The following LRRIQ1 variants were observed in gnomAD, a reference collection of about 807,000 sequenced individuals.
The protein encoded by LRRIQ1 is leucine-rich repeat- and IQ domain-containing protein 1.
LRRIQ1 carries 210 observed loss-of-function variants against 211.9 expected under a neutral mutation model. The observed-to-expected ratio is 0.99, with a 90% CI of 0.89 to 1.11. The LOEUF (loss-of-function observed/expected upper bound fraction) is 1.11. LRRIQ1 is among the 50% of genes most tolerant of loss of function. LRRIQ1 has a pLI of 0.00. For missense variants in LRRIQ1, 2,136 were observed against 1,939.5 expected (o/e 1.10, Z -1.90); for synonymous variants, 699 against 650.1 (o/e 1.08, Z -1.14).
intron 5 of LRRIQ1, among the ~76,000 whole-genome samples, chr12:85,046,589 C>T (rs1879614268): frequency 1.3e-5 from 2 of 152,020 alleles, no homozygotes; most frequent in Admixed American, 1.3e-4. Context: ...TATTTTTTTA[C>T]TTTAAGATTC....
intron 7 of LRRIQ1, 146 bp from the exon 8 acceptor site, chr12:85,055,401 G>A (rs774714623): frequency 2.2e-4 from 125 of 577,932 alleles, no homozygotes; most frequent in Admixed American, 6.8e-4. Context: ...TAAGATAAAT[G>A]ACTTTAGTTT....
chr12:85,253,172 C>T (rs190470487), intron 1 of LRRIQ1, among the ~76,000 whole-genome samples: 1 of 152,050 alleles, frequency 6.6e-6, no homozygotes, highest in Admixed American at 6.6e-5. Flanking sequence ...GGAGAACCTG[C>T]GTCTGGGGTC....
chr12:85,164,410 C>T (rs1208016721), intron 24 of LRRIQ1, among the ~76,000 whole-genome samples: 2 of 152,036 alleles, frequency 1.3e-5, no homozygotes, highest in Admixed American at 6.6e-5. Flanking sequence ...AAATAAGAGG[C>T]GAACAGTACT....
chr12:85,185,350 T>G (rs1399893043), intron 24 of LRRIQ1, among the ~76,000 whole-genome samples: 1 of 151,736 alleles, frequency 6.6e-6, no homozygotes, highest in Admixed American at 6.6e-5. Context: ...AGGTAAGGAT[T>G]TTCAAAAGTG....
chr12:85,205,140 G>T (rs528970665), intron 24 of LRRIQ1, among the ~76,000 whole-genome samples: 1 of 151,994 alleles, frequency 6.6e-6, no homozygotes, highest in Non-Finnish European at 1.5e-5. Context: ...CTCTTTGCCC[G>T]CTGCCATCCA....
intron 15 of LRRIQ1, among the ~76,000 whole-genome samples, chr12:85,110,308 T>C (rs935154422): frequency 1.3e-5 from 2 of 152,080 alleles, no homozygotes; most frequent in African/African-American, 4.8e-5. Context: ...TTGATAACCA[T>C]GAAAAATAAT....
chr12:85,221,375 C>T (rs1382291191), intron 24 of LRRIQ1, among the ~76,000 whole-genome samples: 2 of 152,018 alleles, frequency 1.3e-5, no homozygotes, highest in Non-Finnish European at 2.9e-5. Flanking sequence ...CTATGTACCA[C>T]TTAAGGAGAT....
chr12:85,060,706 T>C (rs1360182069), intron 8 of LRRIQ1, among the ~76,000 whole-genome samples: 2 of 151,776 alleles, frequency 1.3e-5, no homozygotes, highest in Non-Finnish European at 2.9e-5. Flanking sequence ...CCCTGCCAAA[T>C]AGATTTGAGA....
At chr12:85,131,922 T>C (rs1176178074) in intron 18 of LRRIQ1, among the ~76,000 whole-genome samples, 2 of 152,142 alleles carry the variant, frequency 1.3e-5, no homozygotes, top group Non-Finnish European at 2.9e-5. Context: ...TGAATATTAC[T>C]TACCCACATG....
intron 24 of LRRIQ1, among the ~76,000 whole-genome samples, chr12:85,214,627 T>C (rs1008891666): frequency 6.6e-6 from 1 of 152,056 alleles, no homozygotes; most frequent in Non-Finnish European, 1.5e-5. Flanking sequence ...GAGGTTGCAT[T>C]CCAAATCAGT....
chr12:85,174,904 A>G (rs1364309161), intron 24 of LRRIQ1, among the ~76,000 whole-genome samples: 1 of 152,030 alleles, frequency 6.6e-6, no homozygotes, highest in Non-Finnish European at 1.5e-5. Flanking sequence ...GAAAAATGTC[A>G]TAAAACCAAG....
intron 24 of LRRIQ1, among the ~76,000 whole-genome samples, chr12:85,217,680 G>GTA (rs199691745): frequency 0.18 from 25,584 of 142,506 alleles, 5,818 homozygotes; most frequent in African/African-American, 0.54. Context: ...GTGTATATAT[G>GTA]TATATATGTG....
intron 24 of LRRIQ1, among the ~76,000 whole-genome samples, chr12:85,204,662 G>A (rs1009748063): frequency 2.0e-5 from 3 of 152,120 alleles, no homozygotes; most frequent in Non-Finnish European, 4.4e-5. Context: ...GACTTGCATG[G>A]GATCTGTAGC....
At chr12:85,101,597 A>G (rs1190613484) in intron 13 of LRRIQ1, among the ~76,000 whole-genome samples, 2 of 151,858 alleles carry the variant, frequency 1.3e-5, no homozygotes, top group Non-Finnish European at 3.0e-5. Context: ...TGGAAATAAT[A>G]TGCACAGAAT....
At chr12:85,271,426 T>C in the LRRIQ1 span, among the ~76,000 whole-genome samples, 2 of 152,328 alleles carry the variant, frequency 1.3e-5, no homozygotes, top group South Asian at 4.1e-4. Context: ...CTCTTTCTTA[T>C]GTCTTAGCTA....
At chr12:85,149,367 A>C (rs1011909930) in intron 19 of LRRIQ1, among the ~76,000 whole-genome samples, 1 of 151,892 alleles carries the variant, frequency 6.6e-6, no homozygotes, top group Admixed American at 6.6e-5. Context: ...TTTTCTGCAT[A>C]TGGCTAGCCA....
chr12:85,103,712 G>A (rs1398673185), intron 13 of LRRIQ1, among the ~76,000 whole-genome samples: 1 of 151,600 alleles, frequency 6.6e-6, no homozygotes, highest in African/African-American at 2.4e-5. Context: ...GAATACACAT[G>A]AAAATCCATG....
At chr12:85,112,757 T>C (rs948556377) in intron 15 of LRRIQ1, among the ~76,000 whole-genome samples, 1 of 152,110 alleles carries the variant, frequency 6.6e-6, no homozygotes, top group African/African-American at 2.4e-5. Context: ...AATGCGTTAG[T>C]TGGACTCATG....
chr12:85,052,840 A>C (rs558864835), intron 7 of LRRIQ1, among the ~76,000 whole-genome samples: 43 of 152,162 alleles, frequency 2.8e-4, no homozygotes, highest in Non-Finnish European at 4.7e-4. Context: ...GTAAAGAGAC[A>C]GAGTCATATG....
Sources: allele counts gnomAD v4.1 joint callset (sites outside exome capture counted in the v4.1 genomes callset), GRCh38; gene constraint gnomAD v4.1.1; transcripts MANE v1.5; gene names NCBI Gene and HGNC (gene_info 2026-07-23, HGNC 2026-07-21).